Variants in DOK4 observed in about 807,000 individuals in gnomAD.
DOK4 encodes downstream of tyrosine kinase 4.
DOK4 carries 26 observed loss-of-function variants against 40.1 expected under a neutral mutation model. The observed-to-expected ratio is 0.65, with a 90% confidence interval of 0.48 to 0.90. DOK4 has a LOEUF of 0.90. DOK4 is among the 40% of genes least tolerant of loss of function. DOK4 has a pLI of 0.00. For missense variants in DOK4, 392 were observed against 437.2 expected, an observed-to-expected ratio of 0.90 and a Z score of 0.92; for synonymous variants, 179 against 177.0, an observed-to-expected ratio of 1.01 and a Z score of -0.09.
rs1338355615 is a variant in DOK4 at position 57,485,095 on chromosome 16, G to A, written c.-182+1210C>T. 2.0e-5 allele frequency among the ~76,000 whole-genome samples: 3 copies of A among 152,240 alleles called. No homozygotes were observed. The highest frequency in any genetic ancestry group is 4.4e-5 in the Non-Finnish European group (3 of 68,048). On this transcript the variant is annotated intron_variant, in intron 1 of 8. Coordinates refer to ENST00000340099, the Ensembl canonical transcript of DOK4. This position sits in a 1 kb window ranked among gnomAD's most constrained non-coding sequence, Gnocchi z 4.3. ...GGCTGGACCTGGCTCAGCTTCCAGA[G>A]GTGCGTGAGCCACAGTGGGCTCCCA...
chr16:57,475,660 ATCTCTCTCTCTC>A (rs745508207), intron 3 of DOK4, 40 bp from the exon 4 acceptor site: 22,076 of 476,410 alleles, frequency 0.046, 266 homozygotes, highest in East Asian at 0.11. Flanking sequence ...AGGCCAGTGC[ATCTCTCTCTCTC>A]TCTCTCTCTC....
At chr16:57,473,412 C>G (rs755831982) in exon 9 of DOK4, 25 of 1,614,004 alleles carry the variant, frequency 1.5e-5, no homozygotes, top group Non-Finnish European at 1.9e-5. Context: ...CTGCTGTCCC[C>G]CTGGCTGGGC....
intron 1 of DOK4, among the ~76,000 whole-genome samples, chr16:57,480,878 G>A (rs2031387956): frequency 6.6e-6 from 1 of 152,192 alleles, no homozygotes; most frequent in South Asian, 2.1e-4. Flanking sequence ...AGCAGGCCTG[G>A]GGCAGAGCCA....
In DOK4 at chr16:57,485,435, C is replaced by T. The variant is rs1477309867; in HGVS notation, c.-182+870G>A. Among the ~76,000 whole-genome samples, 1 of 152,154 alleles carries T rather than the reference C, an allele frequency of 6.6e-6. No individual in the cohort carries two copies. The highest frequency in any genetic ancestry group is 1.5e-5 in the Non-Finnish European group (1 of 68,030). On this transcript the variant is annotated intron_variant, in intron 1 of 8. Transcript: ENST00000340099. The surrounding 1 kb of genome is among the most constrained non-coding windows in gnomAD (Gnocchi z 4.3). ...TGGGGGCAGGAAGAGCCTGTACCAG[C>T]GCCACATCCCTCTGAAAGGGTCCAG...
chr16:57,475,692 CT>C (rs1241726883), intron 3 of DOK4, 72 bp from the exon 4 acceptor site: 119 of 842,992 alleles, frequency 1.4e-4, no homozygotes, highest in East Asian at 3.8e-4. Flanking sequence ...CTCTCTCTCT[CT>C]CTCCCTCCCT....
chr16:57,479,367 T>A lies in DOK4; in HGVS notation c.66+75A>T. 1 of 1,540,230 alleles carries A rather than the reference T, an allele frequency of 6.5e-7. No homozygotes were observed. Among genetic ancestry groups the A allele is most frequent in the South Asian group, 1.1e-5 (1 of 87,920 alleles). On this transcript the variant is annotated intron_variant, in intron 2 of 8. Coordinates refer to ENST00000340099, the Ensembl canonical transcript of DOK4. The surrounding 1 kb of genome is among the most constrained non-coding windows in gnomAD (Gnocchi z 5.8). Reference sequence around the variant, plus strand: ...GGGCAGCCGCGTGCCCCACGCGCCATGCCTCCAAGCCTGGGACCGAGTCCT... The same window carrying A: ...GGGCAGCCGCGTGCCCCACGCGCCAAGCCTCCAAGCCTGGGACCGAGTCCT...
chr16:57,482,063 A>G (rs11645859), intron 1 of DOK4, among the ~76,000 whole-genome samples: 193 of 152,102 alleles, frequency 1.3e-3, no homozygotes, highest in African/African-American at 4.5e-3. Flanking sequence ...ACGGGGTTTC[A>G]CCGTGTTAGC....
chr16:57,481,737 C>CT (rs1410794544), intron 1 of DOK4: 1 of 152,238 alleles, frequency 6.6e-6, no homozygotes, highest in Non-Finnish European at 1.5e-5. Flanking sequence ...GGGCAAGCCG[C>CT]TTAAGACCCT....
Position 57,479,458 on chromosome 16 carries a change from T to C in DOK4, c.50A>G (p.Lys17Arg). Reference sequence around the variant, plus strand: ...GTCACTCACCCCGAGCTTCCTGCTCTTCATCTTCACGTAGCCTTGCTTGAC... The same window carrying C: ...GTCACTCACCCCGAGCTTCCTGCTCCTCATCTTCACGTAGCCTTGCTTGAC... The change falls in exon 2 of 9, where the codon AAG becomes AGG. Residue 17 changes from lysine to arginine, a missense_variant. Lys to Arg is a conservative substitution (Grantham distance 26). Transcript: ENST00000340099. This position sits in a 1 kb window ranked among gnomAD's most constrained non-coding sequence, Gnocchi z 5.8. 1.9e-6 allele frequency: 3 copies of C among 1,613,810 alleles called. No homozygotes were observed. The highest frequency in any genetic ancestry group is 1.7e-6 in the Non-Finnish European group (2 of 1,179,920).
At position 57,479,606 on chromosome 16, in the gene DOK4, A is replaced by C; in HGVS notation, c.-99T>G. 7.3e-7 allele frequency: 1 copy of C among 1,373,966 alleles called. No individual in the cohort carries two copies. Among genetic ancestry groups the C allele is most frequent in the East Asian group, 2.3e-5 (1 of 43,050 alleles). The allele number at this position is 1,373,966 out of a possible 1,614,324, so 85.1% of individuals were successfully genotyped here. On this transcript the variant is annotated 5_prime_UTR_variant, in exon 2 of 9. Transcript: ENST00000340099. This position sits in a 1 kb window ranked among gnomAD's most constrained non-coding sequence, Gnocchi z 5.8. ...GCTCCTCCAATCACCTGTTCCAGACACTCTGTCGGGGCTGCCGCGAGGGGC... is the reference window on the plus strand; with the variant it reads ...GCTCCTCCAATCACCTGTTCCAGACCCTCTGTCGGGGCTGCCGCGAGGGGC...
chr16:57,473,901 C>T, exon 7 of DOK4: 2 of 1,613,660 alleles, frequency 1.2e-6, no homozygotes, highest in South Asian at 1.1e-5. Flanking sequence ...GCTGCCTCAC[C>T]CTCACGTTCT....
exon 9 of DOK4, chr16:57,473,254 G>A: frequency 1.4e-5 from 20 of 1,400,970 alleles, no homozygotes; most frequent in Non-Finnish European, 1.4e-5. Flanking sequence ...GGCAAGGAGG[G>A]GGCAGCTTGC....
chr16:57,482,376 T>TG (rs2146667735), intron 1 of DOK4, among the ~76,000 whole-genome samples: 1 of 145,586 alleles, frequency 6.9e-6, no homozygotes, highest in Admixed American at 6.8e-5. Context: ...TTTTTTTTTT[T>TG]TTTTTTTTGA....
Position 57,479,373 on chromosome 16 carries a change from C to T in DOK4, c.66+69G>A. 6.3e-7 allele frequency: 1 copy of T among 1,577,362 alleles called. No individual in the cohort carries two copies. The highest frequency in any genetic ancestry group is 8.7e-7 in the Non-Finnish European group (1 of 1,154,844). ...CCGCGTGCCCCACGCGCCATGCCTC[C>T]AAGCCTGGGACCGAGTCCTCGGGCC... On this transcript the variant is annotated intron_variant, in intron 2 of 8. Coordinates refer to ENST00000340099, the Ensembl canonical transcript of DOK4. This position sits in a 1 kb window ranked among gnomAD's most constrained non-coding sequence, Gnocchi z 5.8.
At chr16:57,473,197 C>T in exon 9 of DOK4, 1 of 848,134 alleles carries the variant, frequency 1.2e-6, no homozygotes, top group Non-Finnish European at 1.8e-6. Flanking sequence ...CACACATGCT[C>T]AGGTGGTGTG....
chr16:57,484,057 T>G (rs1413587138), intron 1 of DOK4: 2 of 151,770 alleles, frequency 1.3e-5, no homozygotes, highest in Non-Finnish European at 2.9e-5. Context: ...TGGCGGGGAG[T>G]AGGGAGACTC....
At chr16:57,474,668 C>T (rs2031057935) in intron 6 of DOK4, 125 bp downstream of exon 6, 4 of 1,213,564 alleles carry the variant, frequency 3.3e-6, no homozygotes, top group South Asian at 2.9e-5. Context: ...GGGAACATTA[C>T]ATTCCCCCTT....
chr16:57,471,978 A>G (rs2030865514), exon 9 of DOK4: 1 of 152,682 alleles, frequency 6.5e-6, no homozygotes, highest in Admixed American at 6.5e-5. Context: ...AAAAGTGTTT[A>G]TTTTTGGCAA....
At position 57,475,119 on chromosome 16, in the gene DOK4, C is replaced by G. The variant is rs763528603; in HGVS notation, c.390G>C (p.Gly130=). 3.1e-6 allele frequency: 5 copies of G among 1,613,818 alleles called. No individual in the cohort carries two copies. In the African/African-American group the frequency reaches 5.3e-5, roughly 17 times the overall value. The change falls in exon 5 of 9, where the codon GGG becomes GGC. Residue 130 remains glycine (G), a synonymous_variant. Transcript: ENST00000340099. ...CCTCACCTGTCTGTTCACACTGCACCCCTGGGGCCAGGAGGTCAGGTTCTC... is the reference window on the plus strand; with the variant it reads ...CCTCACCTGTCTGTTCACACTGCACGCCTGGGGCCAGGAGGTCAGGTTCTC...
Sources: allele counts gnomAD v4.1 joint callset (sites outside exome capture counted in the v4.1 genomes callset), GRCh38; gene constraint gnomAD v4.1.1; non-coding constraint Gnocchi (gnomAD v3.1); transcripts MANE v1.5; gene names NCBI Gene and HGNC (gene_info 2026-07-23, HGNC 2026-07-21).